The following KIAA0825 variants were observed in gnomAD, a reference collection of about 807,000 sequenced individuals.
KIAA0825 encodes the protein KIAA0825, also known as uncharacterized protein KIAA0825.
A neutral mutation model predicts 147.6 loss-of-function variants in KIAA0825; 119 were observed. The ratio of observed to expected loss-of-function variants is 0.81; its 90% CI spans 0.69 to 0.94. KIAA0825 has a LOEUF of 0.94. Ranked by LOEUF, KIAA0825 falls within the 40% of genes least tolerant of loss-of-function variation. The probability of loss-of-function intolerance (pLI) is 0.00; values close to 1 mark genes in which losing one functional copy is unlikely to be tolerated. For missense variants in KIAA0825, 1,381 were observed against 1,472.7 expected (o/e 0.94, Z 1.02); for synonymous variants, 470 against 518.1 (o/e 0.91, Z 1.26).
intron 13 of KIAA0825, among the ~76,000 whole-genome samples, chr5:94,451,033 G>A (rs1040166130): frequency 1.3e-5 from 2 of 152,090 alleles, no homozygotes; most frequent in Non-Finnish European, 2.9e-5. Context: ...AAGCACCTGA[G>A]TACTTACCTT....
intron 20 of KIAA0825, among the ~76,000 whole-genome samples, chr5:94,211,505 TC>T (rs1772705140): frequency 6.6e-6 from 1 of 152,174 alleles, no homozygotes; most frequent in Non-Finnish European, 1.5e-5. Context: ...TGGTCAGTGT[TC>T]CTTGCTCTAG....
At chr5:94,313,594 A>G (rs1779369795) in intron 20 of KIAA0825, among the ~76,000 whole-genome samples, 1 of 137,888 alleles carries the variant, frequency 7.3e-6, no homozygotes, top group Non-Finnish European at 1.5e-5. Flanking sequence ...AGACATGCCT[A>G]GATTTTTGAA....
At chr5:94,547,115 GAAGA>G (rs1316231660) in intron 2 of KIAA0825, among the ~76,000 whole-genome samples, 1 of 151,738 alleles carries the variant, frequency 6.6e-6, no homozygotes, top group Non-Finnish European at 1.5e-5. Context: ...TGACCAAGCA[GAAGA>G]AAGAATTAGT....
intron 1 of KIAA0825, among the ~76,000 whole-genome samples, chr5:94,599,961 T>C (rs1188708010): frequency 6.6e-6 from 1 of 152,186 alleles, no homozygotes; most frequent in Non-Finnish European, 1.5e-5. Context: ...AGGGGGGAAC[T>C]AGTACAACTA....
At chr5:94,262,891 G>A (rs1583983055) in intron 20 of KIAA0825, among the ~76,000 whole-genome samples, 1 of 152,146 alleles carries the variant, frequency 6.6e-6, no homozygotes, top group East Asian at 1.9e-4. Context: ...TTCCTTCTTT[G>A]TGCCCCTCAA....
At chr5:94,580,307 A>G (rs1219843770) in intron 2 of KIAA0825, among the ~76,000 whole-genome samples, 1 of 152,214 alleles carries the variant, frequency 6.6e-6, no homozygotes, top group East Asian at 1.9e-4. Flanking sequence ...AAGTCAATAA[A>G]TAATTTGCCT....
chr5:94,585,810 T>C (rs1275366890), intron 1 of KIAA0825, among the ~76,000 whole-genome samples: 1 of 152,058 alleles, frequency 6.6e-6, no homozygotes, highest in Non-Finnish European at 1.5e-5. Flanking sequence ...CCTCAGCAAA[T>C]GTAAAAGAAC....
At position 94,403,653 on chromosome 5, in the gene KIAA0825, T is replaced by C; in HGVS notation, c.2803A>G (p.Ile935Val). 6.4e-7 allele frequency: 1 copy of C among 1,551,636 alleles called. No homozygotes were observed. Among genetic ancestry groups the C allele is most frequent in the African/African-American group, 1.4e-5 (1 of 73,186 alleles). Residue 935 changes from isoleucine (I) to valine (V), a missense_variant, in exon 16 of 21, where the codon ATT becomes GTT. Physicochemically the swap from Ile to Val is conservative, Grantham distance 29. Transcript: ENST00000682413. Reference sequence around the variant, plus strand: ...CTCTCAAGCAAACAATCAGGAACAATGTGCTTGTTTAGGTTTGTCTCACAG... The same window carrying C: ...CTCTCAAGCAAACAATCAGGAACAACGTGCTTGTTTAGGTTTGTCTCACAG... ...RNCETNLNKH[I>V]VPDCLLESMP...
At chr5:94,381,691 C>G (rs962652326) in intron 20 of KIAA0825, among the ~76,000 whole-genome samples, 2 of 152,094 alleles carry the variant, frequency 1.3e-5, no homozygotes, top group Non-Finnish European at 2.9e-5. Flanking sequence ...GCACTCTTGA[C>G]CGTGTCAACA....
intron 1 of KIAA0825, chr5:94,594,054 T>C (rs1277237449): frequency 1.9e-6 from 1 of 526,320 alleles, no homozygotes; most frequent in African/African-American, 2.0e-5. Flanking sequence ...GCGTGCAACA[T>C]CTTAATTTCT....
intron 14 of KIAA0825, among the ~76,000 whole-genome samples, chr5:94,425,301 T>G (rs1403304863): frequency 6.6e-6 from 1 of 152,236 alleles, no homozygotes; most frequent in African/African-American, 2.4e-5. Flanking sequence ...CAAGTGGGAT[T>G]TATCCCAGGG....
At position 94,524,069 on chromosome 5, in the gene KIAA0825, G is replaced by T; in HGVS notation, c.161C>A (p.Ser54Tyr). The T allele has an allele frequency of 6.2e-7, 1 of 1,608,584 alleles. No homozygotes were observed. The highest frequency in any genetic ancestry group is 8.5e-7 in the Non-Finnish European group (1 of 1,176,700). The part of the protein sequence containing the change: ...SIKHCIKEIQ[S>Y]EINKQCPGVQ... ...ACCTGGACATTGTTTGTTAATTTCG[G>T]ACTGTATCTCTTTAATGCAATGTTT... The change falls in exon 4 of 21, where the codon TCC becomes TAC. Residue 54 changes from serine to tyrosine, a missense_variant. By Grantham distance (144) the Ser-to-Tyr change is moderately radical (BLOSUM62 -2). Transcript: ENST00000682413.
chr5:94,294,254 C>A (rs1273731556), intron 20 of KIAA0825, among the ~76,000 whole-genome samples: 1 of 152,164 alleles, frequency 6.6e-6, no homozygotes, highest in Non-Finnish European at 1.5e-5. Context: ...TATGTTTTTC[C>A]AGTGGCTGAT....
At chr5:94,192,435 A>C (rs1770753563) in intron 20 of KIAA0825, among the ~76,000 whole-genome samples, 1 of 152,228 alleles carries the variant, frequency 6.6e-6, no homozygotes. Context: ...TATTTCTGAT[A>C]ATCTAATTTT....
At chr5:94,259,951 T>G (rs1327962652) in intron 20 of KIAA0825, among the ~76,000 whole-genome samples, 1 of 152,036 alleles carries the variant, frequency 6.6e-6, no homozygotes. Context: ...TATAATTAGT[T>G]TAAGTGGAAG....
At chr5:94,511,745 T>C (rs751807240) in intron 5 of KIAA0825, among the ~76,000 whole-genome samples, 8 of 152,184 alleles carry the variant, frequency 5.3e-5, no homozygotes, top group Admixed American at 2.0e-4. Flanking sequence ...CCCCACACTT[T>C]GGGAGGCCAA....
In KIAA0825 at chr5:94,152,521, C is replaced by T. The variant is rs1162566223; in HGVS notation, c.*1486G>A. Among the ~76,000 whole-genome samples the T allele has an allele frequency of 1.3e-5, 2 of 149,680 alleles. No individual in the cohort carries two copies. The highest frequency in any genetic ancestry group is 3.0e-5 in the Non-Finnish European group (2 of 67,526). Reference sequence around the variant, plus strand: ...TGGGCAACATAGTGAGACCCCATCTCTACAAAAACATTTTAAAAATTAACC... The same window carrying T: ...TGGGCAACATAGTGAGACCCCATCTTTACAAAAACATTTTAAAAATTAACC... On this transcript the variant is annotated 3_prime_UTR_variant, in exon 21 of 21. Coordinates refer to ENST00000682413, the MANE Select transcript of KIAA0825 (RefSeq NM_001145678.3).
rs147256469 is a variant in KIAA0825 at position 94,312,666 on chromosome 5, T to A, written c.3710+71702A>T. Among the ~76,000 whole-genome samples the A allele has an allele frequency of 1.1e-4, 17 of 151,906 alleles. No homozygotes were observed. The East Asian group carries it at 1.7e-3, about 16-fold the overall frequency. On this transcript the variant is annotated intron_variant, in intron 20 of 20. Coordinates refer to ENST00000682413, the MANE Select transcript of KIAA0825 (RefSeq NM_001145678.3). Reference sequence around the variant, plus strand: ...TCATCGGCATGTTTTGTCAATGATCTGCTTAGAACATTCTTTGAGCACCCT... The same window carrying A: ...TCATCGGCATGTTTTGTCAATGATCAGCTTAGAACATTCTTTGAGCACCCT...
At chr5:94,224,355 CA>C (rs1231484785) in intron 20 of KIAA0825, among the ~76,000 whole-genome samples, 2 of 151,982 alleles carry the variant, frequency 1.3e-5, no homozygotes, top group East Asian at 3.9e-4. Flanking sequence ...CTCGGCCTCC[CA>C]AAGTGCTGGG....
Sources: allele counts gnomAD v4.1 joint callset (sites outside exome capture counted in the v4.1 genomes callset), GRCh38; gene constraint gnomAD v4.1.1; transcripts MANE v1.5; gene names NCBI Gene and HGNC (gene_info 2026-07-23, HGNC 2026-07-21).